CNNM4: variants seen among roughly 807,000 people sequenced by gnomAD.
The protein encoded by CNNM4 is metal transporter CNNM4.
CNNM4 carries 32 observed loss-of-function variants against 53.7 expected under a neutral mutation model. The ratio of observed to expected loss-of-function variants is 0.60; its 90% CI spans 0.45 to 0.80. The LOEUF is 0.80. Among genes scored for constraint, CNNM4 ranks in the 30% least tolerant of loss-of-function variants. The pLI is 0.00. For synonymous variants in CNNM4, 410 were observed against 440.0 expected (o/e 0.93, Z 0.85); for missense variants, 784 against 1,022.0 (o/e 0.77, Z 3.17).
At chr2:96,802,018 G>C (rs909424629) in intron 5 of CNNM4, among the ~76,000 whole-genome samples, 1 of 145,014 alleles carries the variant, frequency 6.9e-6, no homozygotes, top group Non-Finnish European at 1.5e-5. Context: ...CACACACACA[G>C]AAGCACCCAC....
chr2:96,761,630 C>A lies in CNNM4; in HGVS notation c.631C>A (p.Pro211Thr). The A allele has an allele frequency of 1.2e-6, 2 of 1,613,870 alleles. No individual in the cohort carries two copies. The highest frequency in any genetic ancestry group is 1.7e-6 in the Non-Finnish European group (2 of 1,180,026). ...CAACCTCGGGCTTATGGCCCTGGACCCCATGGAGCTGCGCATCGTGCAGAA... is the reference window on the plus strand; with the variant it reads ...CAACCTCGGGCTTATGGCCCTGGACACCATGGAGCTGCGCATCGTGCAGAA... ...GLNLGLMALD[P>T]MELRIVQNCG... The change falls in exon 1 of 7, where the codon CCC becomes ACC. Residue 211 changes from proline to threonine, a missense_variant. Coordinates refer to ENST00000377075, the MANE Select transcript of CNNM4 (RefSeq NM_020184.4). The surrounding 1 kb of genome is among the most constrained non-coding windows in gnomAD (Gnocchi z 6.0).
At chr2:96,802,161 T>C (rs1037411725) in intron 5 of CNNM4, among the ~76,000 whole-genome samples, 28 of 145,288 alleles carry the variant, frequency 1.9e-4, no homozygotes, top group Non-Finnish European at 2.9e-4. Context: ...CACACACAGA[T>C]ACACCCATAG....
chr2:96,788,030 C>A (rs568468333), intron 1 of CNNM4, among the ~76,000 whole-genome samples: 2 of 152,310 alleles, frequency 1.3e-5, no homozygotes, highest in African/African-American at 4.8e-5. Flanking sequence ...TCAAGTGATT[C>A]TCCTGCCTCA....
intron 1 of CNNM4, among the ~76,000 whole-genome samples, chr2:96,763,464 G>T (rs754346453): frequency 1.2e-4 from 18 of 152,198 alleles, no homozygotes; most frequent in Non-Finnish European, 2.1e-4. Flanking sequence ...TTAAAGGAAT[G>T]GGGGTGAGGG....
chr2:96,808,806 C>G lies in CNNM4; in HGVS notation c.2130+64C>G. The G allele has an allele frequency of 6.5e-7, 1 of 1,541,052 alleles. No individual in the cohort carries two copies. Reference sequence around the variant, plus strand: ...CTGCTCAGGAATCAGCTACTACTTTCATCCACCAAACCCAGCATGGTGGGC... The same window carrying G: ...CTGCTCAGGAATCAGCTACTACTTTGATCCACCAAACCCAGCATGGTGGGC... On this transcript the variant is annotated intron_variant, in intron 6 of 6. Transcript: ENST00000377075. The surrounding 1 kb of genome is among the most constrained non-coding windows in gnomAD (Gnocchi z 4.9).
In CNNM4 at chr2:96,797,472, C is replaced by A. The variant is rs748985173; in HGVS notation, c.1547-41C>A. The A allele has an allele frequency of 6.2e-7, 1 of 1,611,310 alleles. No individual in the cohort carries two copies. The highest frequency in any genetic ancestry group is 8.5e-7 in the Non-Finnish European group (1 of 1,179,984). On this transcript the variant is annotated intron_variant, in intron 2 of 6. Coordinates refer to ENST00000377075, the MANE Select transcript of CNNM4 (RefSeq NM_020184.4). The surrounding 1 kb of genome is among the most constrained non-coding windows in gnomAD (Gnocchi z 6.0). ...GGGTTCCAGTCTCTTCCTAAGTCCT[C>A]AGGGGTCTGTGTTCTCAATTCCACG...
Position 96,806,535 on chromosome 2 carries a change from ACGCG to A in CNNM4, c.1949-2010_1949-2007del, listed in dbSNP as rs1553479692. 5.8e-3 allele frequency among the ~76,000 whole-genome samples: 718 copies of A among 123,994 alleles called. 2 individuals carry two copies. Among genetic ancestry groups the A allele is most frequent in the Non-Finnish European group, 8.5e-3 (472 of 55,448 alleles). 81.3% of individuals were successfully genotyped at this position (123,994 alleles called of 152,430 possible). A position where few individuals can be genotyped will look rare whatever the true frequency, so the allele number is the denominator to read the frequency against. On this transcript the variant is annotated intron_variant, in intron 5 of 6. Coordinates refer to ENST00000377075, the MANE Select transcript of CNNM4 (RefSeq NM_020184.4). ...CACACACACACACACACACACACAC[ACGCG>A]CGCGCGCGCGCGCGCCCTTAGTTAA...
rs183565686 is a variant in CNNM4, at chr2:96,778,859, A to G, written c.1402+16458A>G. The stretch of plus-strand genomic sequence containing the variant: ...TTATTTTAAGCATTTAATTGACAAA[A>G]ACCATATATATTTGTGGTGTACAAC... On this transcript the variant is annotated intron_variant, in intron 1 of 6. Transcript: ENST00000377075. 2.7e-3 allele frequency among the ~76,000 whole-genome samples: 406 copies of G among 152,336 alleles called. 1 individual carries two copies. The highest frequency in any genetic ancestry group is 9.0e-3 in the African/African-American group (374 of 41,574).
Position 96,797,496 on chromosome 2 carries a change from C to T in CNNM4, c.1547-17C>T, listed in dbSNP as rs371651491. On this transcript the variant is annotated splice_polypyrimidine_tract_variant and intron_variant, in intron 2 of 6. Transcript: ENST00000377075. This position sits in a 1 kb window ranked among gnomAD's most constrained non-coding sequence, Gnocchi z 6.0. The stretch of plus-strand genomic sequence containing the variant: ...TCAGGGGTCTGTGTTCTCAATTCCA[C>T]GCTCTTCTTCCGGCAGCTGACAACC... 3.3e-5 allele frequency: 54 copies of T among 1,613,404 alleles called. No homozygotes were observed. Among genetic ancestry groups the T allele is most frequent in the Middle Eastern group, 1.6e-4 (1 of 6,084 alleles).
At chr2:96,792,202 C>T (rs576135573) in intron 1 of CNNM4, among the ~76,000 whole-genome samples, 61 of 148,200 alleles carry the variant, frequency 4.1e-4, no homozygotes, top group Non-Finnish European at 7.4e-4. Flanking sequence ...GCTGAGATCA[C>T]GCCACTGCAC....
rs1267385676 is a variant in CNNM4, at chr2:96,761,536, C to T, written c.537C>T (p.Phe179=). The T allele has an allele frequency of 1.9e-6, 3 of 1,613,932 alleles. No individual in the cohort carries two copies. The African/African-American group carries it at 4.0e-5, about 22-fold the overall frequency. The change falls in exon 1 of 7, where the codon TTC becomes TTT. Residue 179 remains phenylalanine (F), a synonymous_variant. Transcript: ENST00000377075. This position sits in a 1 kb window ranked among gnomAD's most constrained non-coding sequence, Gnocchi z 6.0. ...LLFMVEEPGR[F]LPLWLHILLI... The stretch of plus-strand genomic sequence containing the variant: ...TCATGGTGGAGGAGCCTGGGAGGTT[C>T]CTGCCTCTCTGGCTGCACATTCTCC...
intron 1 of CNNM4, among the ~76,000 whole-genome samples, chr2:96,791,119 CAA>C (rs796162631): frequency 5.2e-4 from 39 of 74,330 alleles, no homozygotes; most frequent in Admixed American, 3.8e-3. Context: ...GACTCTGTCT[CAA>C]AAAAAAAAAA....
intron 6 of CNNM4, among the ~76,000 whole-genome samples, chr2:96,809,024 T>A (rs1483516593): frequency 4.0e-5 from 6 of 150,804 alleles, no homozygotes; most frequent in Admixed American, 3.3e-4. Flanking sequence ...TTTCCCCTTA[T>A]AGAGATGGGG....
chr2:96,762,456 C>T (rs770091226), intron 1 of CNNM4, 55 bp downstream of exon 1: 34 of 1,524,178 alleles, frequency 2.2e-5, no homozygotes, highest in Admixed American at 3.4e-5. Context: ...CTCTTTTCCC[C>T]TGGCGTGTTT....
At chr2:96,798,363 G>C (rs974055295) in intron 3 of CNNM4, 1 of 164,776 alleles carries the variant, frequency 6.1e-6, no homozygotes, top group Middle Eastern at 5.2e-4. Flanking sequence ...TGGACCCCTC[G>C]TGTGCTCACC....
At chr2:96,783,881 A>C (rs1362704487) in intron 1 of CNNM4, among the ~76,000 whole-genome samples, 3 of 152,196 alleles carry the variant, frequency 2.0e-5, no homozygotes, top group Non-Finnish European at 4.4e-5. Flanking sequence ...AAATACAAAG[A>C]ATGTAAAGAA....
At chr2:96,807,430 C>T (rs751412650) in intron 5 of CNNM4, among the ~76,000 whole-genome samples, 15 of 151,962 alleles carry the variant, frequency 9.9e-5, no homozygotes, top group Non-Finnish European at 2.2e-4. Context: ...CGAGACCATC[C>T]TGGCTAACAC....
intron 1 of CNNM4, among the ~76,000 whole-genome samples, chr2:96,777,483 G>A (rs914307009): frequency 2.0e-5 from 3 of 152,044 alleles, no homozygotes; most frequent in African/African-American, 7.2e-5. Flanking sequence ...TGAGTAGCTG[G>A]GACCACAGCT....
Position 96,800,301 on chromosome 2 carries a change from C to T in CNNM4, c.1948+653C>T, listed in dbSNP as rs932254679. Among the ~76,000 whole-genome samples, 7 of 152,162 alleles carry T rather than the reference C, an allele frequency of 4.6e-5. No homozygotes were observed. The South Asian group carries it at 8.3e-4, about 18-fold the overall frequency. On this transcript the variant is annotated intron_variant, in intron 5 of 6. Coordinates refer to ENST00000377075, the MANE Select transcript of CNNM4 (RefSeq NM_020184.4). This position sits in a 1 kb window ranked among gnomAD's most constrained non-coding sequence, Gnocchi z 4.6. The stretch of plus-strand genomic sequence containing the variant: ...GACAAGGCCCCGCAGGCCCAGGTCT[C>T]GCCAGCTCATCTCCTCGCTCCTCTC...
Sources: gnomAD v4.1 joint callset for allele counts (sites outside exome capture counted in the v4.1 genomes callset) on GRCh38, gnomAD v4.1.1 for gene constraint, Gnocchi (gnomAD v3.1) non-coding constraint, MANE v1.5 for transcripts, NCBI Gene and HGNC (gene_info 2026-07-23, HGNC 2026-07-21) for gene names.